Variants in GRID2 observed in about 807,000 individuals in gnomAD.
GRID2 encodes the protein glutamate ionotropic receptor delta type subunit 2, also known as glutamate receptor ionotropic, delta-2.
A neutral mutation model predicts 114.8 loss-of-function variants in GRID2; 33 were observed. The observed-to-expected ratio is 0.29, with a 90% CI of 0.22 to 0.38. GRID2 has a LOEUF of 0.38. Ranked by LOEUF, GRID2 falls within the 10% of genes least tolerant of loss-of-function variation. GRID2 has a pLI of 1.00. For synonymous variants in GRID2, 505 were observed against 449.9 expected (o/e 1.12, Z -1.55); for missense variants, 1,184 against 1,257.7 (o/e 0.94, Z 0.89).
intron 4 of GRID2, among the ~76,000 whole-genome samples, chr4:93,137,969 T>G (rs1735418239): frequency 1.5e-5 from 2 of 137,218 alleles, no homozygotes; most frequent in African/African-American, 5.4e-5. Flanking sequence ...TTTCTTCGTT[T>G]TTTTTTTTTT....
intron 2 of GRID2, among the ~76,000 whole-genome samples, chr4:92,872,005 A>G (rs974226054): frequency 1.3e-5 from 2 of 151,948 alleles, no homozygotes; most frequent in Non-Finnish European, 2.9e-5. Context: ...GGTCAGGTGT[A>G]TGTGTGAGTG....
chr4:92,689,505 G>A (rs1461532486), intron 2 of GRID2, among the ~76,000 whole-genome samples: 1 of 152,172 alleles, frequency 6.6e-6, no homozygotes, highest in Non-Finnish European at 1.5e-5. Context: ...TACCATCTGA[G>A]CCCAGCCTCC....
chr4:92,784,242 T>C (rs1739217403), intron 2 of GRID2, among the ~76,000 whole-genome samples: 1 of 151,982 alleles, frequency 6.6e-6, no homozygotes, highest in Admixed American at 6.6e-5. Context: ...TAAAACATAT[T>C]TCCAACCTCA....
intron 9 of GRID2, among the ~76,000 whole-genome samples, chr4:93,405,931 T>G (rs1766367806): frequency 6.6e-6 from 1 of 152,172 alleles, no homozygotes; most frequent in African/African-American, 2.4e-5. Flanking sequence ...CATTAGTAGC[T>G]ATTAAAGCTT....
chr4:92,952,274 C>T (rs1332433268), intron 2 of GRID2, among the ~76,000 whole-genome samples: 2 of 152,084 alleles, frequency 1.3e-5, no homozygotes, highest in Non-Finnish European at 2.9e-5. Context: ...TTGTAGCATC[C>T]ATACATGTTA....
chr4:93,353,334 C>T (rs112219238), intron 8 of GRID2, among the ~76,000 whole-genome samples: 15 of 151,874 alleles, frequency 9.9e-5, no homozygotes, highest in African/African-American at 3.1e-4. Flanking sequence ...CATGTTTCCC[C>T]GCAGTCAGAG....
At chr4:93,003,623 T>C (rs756218238) in intron 2 of GRID2, among the ~76,000 whole-genome samples, 3 of 151,942 alleles carry the variant, frequency 2.0e-5, no homozygotes, top group Non-Finnish European at 4.4e-5. Context: ...TATGGAAAAA[T>C]TAGTCTGGCC....
At chr4:92,448,686 ATTT>A (rs143820331) in intron 1 of GRID2, among the ~76,000 whole-genome samples, 9,637 of 152,112 alleles carry the variant, frequency 0.063, 405 homozygotes, top group African/African-American at 0.12. Context: ...TGAAAATTTT[ATTT>A]TTAGGAATTC....
At chr4:92,622,369 T>C (rs540116660) in intron 2 of GRID2, among the ~76,000 whole-genome samples, 2 of 151,826 alleles carry the variant, frequency 1.3e-5, no homozygotes, top group South Asian at 4.1e-4. Context: ...TGAATGAGTC[T>C]TCAGAAAGAA....
chr4:93,395,199 AG>A (rs1392762613), intron 8 of GRID2, among the ~76,000 whole-genome samples: 1 of 152,000 alleles, frequency 6.6e-6, no homozygotes, highest in Non-Finnish European at 1.5e-5. Flanking sequence ...TCCCAGTAAA[AG>A]CCATATAAGA....
chr4:93,697,098 G>A (rs73839670), intron 14 of GRID2, among the ~76,000 whole-genome samples: 12,944 of 152,106 alleles, frequency 0.085, 585 homozygotes, highest in African/African-American at 0.12. Context: ...CAAATATTAG[G>A]CAATTCAAAT....
intron 8 of GRID2, among the ~76,000 whole-genome samples, chr4:93,318,189 T>A (rs1057196304): frequency 1.4e-4 from 21 of 151,422 alleles, no homozygotes; most frequent in African/African-American, 4.8e-4. Context: ...TGTGTGAATT[T>A]TTTTAGTAAG....
chr4:93,189,055 A>G (rs1740719254), intron 4 of GRID2, among the ~76,000 whole-genome samples: 1 of 152,112 alleles, frequency 6.6e-6, no homozygotes, highest in Admixed American at 6.6e-5. Flanking sequence ...TGGTAAATTC[A>G]TAGCTTTTTC....
chr4:93,740,494 A>G (rs1242762785), intron 14 of GRID2, among the ~76,000 whole-genome samples: 2 of 152,154 alleles, frequency 1.3e-5, no homozygotes, highest in Non-Finnish European at 2.9e-5. Context: ...GGTCATTTCT[A>G]TTGTCTCAAT....
rs796077642 is a variant in GRID2, at chr4:92,844,725, G to GA, written c.245-240260dup. ...TGTCTCAAAAAAAAAAAAAAAGAAA[G>GA]AAAAAAAAAAGATTGAATTTGATGA... On this transcript the variant is annotated intron_variant, in intron 2 of 15. Transcript: ENST00000282020. 4.8e-3 allele frequency among the ~76,000 whole-genome samples: 671 copies of GA among 141,052 alleles called. 3 individuals are homozygous for GA. The highest frequency in any genetic ancestry group is 0.014 in the Admixed American group (191 of 14,136). The allele number at this position is 141,052 out of a possible 152,430, so 92.5% of individuals were successfully genotyped here. A position where few individuals can be genotyped will look rare whatever the true frequency, so the allele number is the denominator to read the frequency against.
chr4:93,234,397 A>G (rs1746513048), intron 7 of GRID2, among the ~76,000 whole-genome samples: 1 of 152,098 alleles, frequency 6.6e-6, no homozygotes, highest in Non-Finnish European at 1.5e-5. Flanking sequence ...TGAAGGTTTC[A>G]GTTTGGGCTC....
At chr4:93,562,075 A>G (rs1734978849) in intron 13 of GRID2, among the ~76,000 whole-genome samples, 1 of 152,114 alleles carries the variant, frequency 6.6e-6, no homozygotes, top group Admixed American at 6.6e-5. Flanking sequence ...ATATGGTAAC[A>G]ATATGTTTAG....
intron 8 of GRID2, among the ~76,000 whole-genome samples, chr4:93,288,761 CT>C (rs2149140856): frequency 6.6e-6 from 1 of 152,136 alleles, no homozygotes; most frequent in Non-Finnish European, 1.5e-5. Context: ...TTAAAGATAC[CT>C]TTTCCATTGG....
chr4:93,395,416 T>TATAATGATA (rs1416395139), intron 8 of GRID2, among the ~76,000 whole-genome samples, 191 bp from the exon 9 acceptor site: 1 of 152,030 alleles, frequency 6.6e-6, no homozygotes, highest in African/African-American at 2.4e-5. Flanking sequence ...TCATGTGCCA[T>TATAATGATA]ATAATGATAT....
Sources: allele counts gnomAD v4.1 joint callset (sites outside exome capture counted in the v4.1 genomes callset), GRCh38; gene constraint gnomAD v4.1.1; transcripts MANE v1.5; gene names NCBI Gene and HGNC (gene_info 2026-07-23, HGNC 2026-07-21).